The following LTA variants were observed in gnomAD, a reference collection of about 807,000 sequenced individuals.
The protein encoded by LTA is lymphotoxin-alpha.
LTA carries 6 observed loss-of-function variants against 15.1 expected under a neutral mutation model. The ratio of observed to expected loss-of-function variants is 0.40; its 90% confidence interval spans 0.22 to 0.78. The LOEUF is 0.78. LTA is among the 30% of genes least tolerant of loss of function. The probability of loss-of-function intolerance (pLI) is 0.38; values close to 1 mark genes in which losing one functional copy is unlikely to be tolerated. For missense variants in LTA, 173 were observed against 249.5 expected (o/e 0.69, Z 2.06); for synonymous variants, 87 against 107.3 (o/e 0.81, Z 1.17).
At chr6:31,564,302 C>T in the LTA span, among the ~76,000 whole-genome samples, 6 of 152,044 alleles carry the variant, frequency 3.9e-5, no homozygotes, top group African/African-American at 9.7e-5. Context: ...TCCTCTGAGA[C>T]GAAGTCTCGC....
chr6:31,571,562 T>G (rs746639724), upstream of LTA, among the ~76,000 whole-genome samples: 10 of 152,178 alleles, frequency 6.6e-5, no homozygotes, highest in Non-Finnish European at 1.5e-4. Context: ...AAATCTGTTC[T>G]GTGGAAGCCA....
Position 31,572,927 on chromosome 6 carries a change from G to A in LTA, c.100-1G>A, listed in dbSNP as rs1770929236. On this transcript the variant is annotated splice_acceptor_variant, in intron 2 of 3. Transcript: ENST00000418386. LOFTEE classifies it high-confidence loss of function. ...CCCCCCTCAACTCTGTTCTCCCCTA[G>A]GGGCTCCCTGGTGTTGGCCTCACAC... 1 of 1,612,168 alleles carries A rather than the reference G, an allele frequency of 6.2e-7. No homozygotes were observed. Among genetic ancestry groups the A allele is most frequent in the Non-Finnish European group, 8.5e-7 (1 of 1,179,656 alleles).
Position 31,574,142 on chromosome 6 carries a change from G to T in LTA, c.*449G>T. The T allele has an allele frequency of 3.0e-6, 1 of 329,132 alleles. No individual in the cohort carries two copies. Among genetic ancestry groups the T allele is most frequent in the South Asian group, 2.5e-5 (1 of 40,466 alleles). 20.4% of individuals were successfully genotyped at this position (329,132 alleles called of 1,614,324 possible). A position where few individuals can be genotyped will look rare whatever the true frequency, so the allele number is the denominator to read the frequency against. ...AACATCCAAGGAGAAACAGAGACAG[G>T]CCCAAGAGATGAAGAGTGAGAGGGC... On this transcript the variant is annotated 3_prime_UTR_variant, in exon 4 of 4. Coordinates refer to ENST00000418386, the MANE Select transcript of LTA (RefSeq NM_000595.4).
chr6:31,571,591 T>C (rs1401489239), upstream of LTA, among the ~76,000 whole-genome samples: 1 of 152,206 alleles, frequency 6.6e-6, no homozygotes, highest in Admixed American at 6.5e-5. Context: ...CAGGAAGAGA[T>C]GGAGGGCATC....
the LTA span, among the ~76,000 whole-genome samples, chr6:31,565,170 C>T: frequency 1.3e-5 from 2 of 152,100 alleles, no homozygotes; most frequent in Admixed American, 6.5e-5. Context: ...AAAGAGCAAC[C>T]TTCACCACAG....
At chr6:31,568,953 G>A (rs981811559), upstream of LTA, among the ~76,000 whole-genome samples, 2 of 151,572 alleles carry the variant, frequency 1.3e-5, no homozygotes, top group Admixed American at 6.6e-5. The surrounding 1 kb of genome is among the most constrained non-coding windows in gnomAD (Gnocchi z 4.1). Flanking sequence ...ATTTCTCTCT[G>A]TGTCTCACTG....
upstream of LTA, among the ~76,000 whole-genome samples, chr6:31,567,864 G>A (rs946652872): frequency 7.9e-5 from 12 of 151,804 alleles, no homozygotes; most frequent in African/African-American, 9.7e-5. Context: ...TCTGTTTGTC[G>A]TCAACACCCC....
intron 1 of LTA, 32 bp from the exon 2 acceptor site, chr6:31,572,702 C>CGG: frequency 6.2e-6 from 9 of 1,450,518 alleles, no homozygotes; most frequent in Non-Finnish European, 8.6e-6. Context: ...GCCCCGCTCA[C>CGG]TGTCTCTCTC....
the LTA span, among the ~76,000 whole-genome samples, chr6:31,566,047 G>T: frequency 1.5e-4 from 22 of 151,664 alleles, no homozygotes; most frequent in Non-Finnish European, 2.1e-4. Flanking sequence ...GCACGGTGGC[G>T]CATGCCTGTA....
chr6:31,574,193 A>G lies in LTA; in HGVS notation c.*500A>G, dbSNP rs776622241. 2.5e-5 allele frequency: 6 copies of G among 236,330 alleles called. No individual in the cohort carries two copies. Among genetic ancestry groups the G allele is most frequent in the Non-Finnish European group, 4.2e-5 (5 of 117,746 alleles). The allele number at this position is 236,330 out of a possible 1,614,324, so 14.6% of individuals were successfully genotyped here. ...ATGCGCACAAGGCTGACCAAGAGAGAAAGAAGTAGGCATGAGGGATCACAG... is the reference window on the plus strand; with the variant it reads ...ATGCGCACAAGGCTGACCAAGAGAGGAAGAAGTAGGCATGAGGGATCACAG... On this transcript the variant is annotated 3_prime_UTR_variant, in exon 4 of 4. Transcript: ENST00000418386.
In LTA at chr6:31,572,385, T is replaced by A; in HGVS notation, c.-71T>A. On this transcript the variant is annotated 5_prime_UTR_variant, in exon 1 of 4. Coordinates refer to ENST00000418386, the MANE Select transcript of LTA (RefSeq NM_000595.4). ...GCCCAGCAGTGTCCTGCCCTCTGCC[T>A]GGGCCTCGGTCCCTCCTGCACCTGC... is the stretch of plus-strand genomic sequence containing the variant. 1 of 426,518 alleles carries A rather than the reference T, an allele frequency of 2.3e-6. No individual in the cohort carries two copies. Among genetic ancestry groups the A allele is most frequent in the Non-Finnish European group, 4.2e-6 (1 of 235,624 alleles). The allele number at this position is 426,518 out of a possible 1,614,324, so 26.4% of individuals were successfully genotyped here.
rs749218506 is a variant in LTA, at chr6:31,572,820, G to T, written c.78G>T (p.Leu26=). The T allele has an allele frequency of 3.1e-6, 5 of 1,611,562 alleles. No individual in the cohort carries two copies. Among genetic ancestry groups the T allele is most frequent in the Admixed American group, 1.7e-5 (1 of 59,974 alleles). The change falls in exon 2 of 4, where the codon CTG becomes CTT. Residue 26 remains leucine, a synonymous_variant. Transcript: ENST00000418386. The stretch of plus-strand genomic sequence containing the variant: ...ACCTCCTCCTTCTGGGGCTGCTGCT[G>T]GTTCTGCTGCCTGGGGCCCAGGTGA... The part of the protein sequence containing the change: ...TLHLLLLGLL[L]VLLPGAQGLP...
At chr6:31,566,432 C>A in the LTA span, among the ~76,000 whole-genome samples, 1 of 152,020 alleles carries the variant, frequency 6.6e-6, no homozygotes, top group Non-Finnish European at 1.5e-5. Flanking sequence ...CACTTGAAGT[C>A]AGGAGTTCAA....
chr6:31,565,280 CCAAA>C, the LTA span, among the ~76,000 whole-genome samples: 85 of 152,196 alleles, frequency 5.6e-4, no homozygotes, highest in South Asian at 4.8e-3. Context: ...AAGAGTTCCA[CCAAA>C]TATTGTGAAA....
chr6:31,570,995 A>G (rs1025061557), upstream of LTA, among the ~76,000 whole-genome samples: 31 of 152,200 alleles, frequency 2.0e-4, no homozygotes, highest in Admixed American at 1.4e-3. Context: ...CATCAGCTGT[A>G]CACTTAAGAG....
upstream of LTA, among the ~76,000 whole-genome samples, chr6:31,571,036 A>G (rs1480010997): frequency 6.7e-6 from 1 of 149,024 alleles, no homozygotes; most frequent in African/African-American, 2.5e-5. Flanking sequence ...TTACATATCA[A>G]TAAAAAGGAA....
At chr6:31,565,818 C>T in the LTA span, among the ~76,000 whole-genome samples, 7 of 152,126 alleles carry the variant, frequency 4.6e-5, no homozygotes, top group Admixed American at 3.3e-4. Context: ...ATTTTCTCTT[C>T]ACCATCAATG....
upstream of LTA, among the ~76,000 whole-genome samples, chr6:31,567,084 T>A (rs966688958): frequency 1.3e-5 from 2 of 151,540 alleles, no homozygotes; most frequent in African/African-American, 4.9e-5. Flanking sequence ...TCACCTGAGG[T>A]CAGGAGTTTG....
chr6:31,566,011 C>T, the LTA span, among the ~76,000 whole-genome samples: 1 of 151,974 alleles, frequency 6.6e-6, no homozygotes. Context: ...AACCCTATCT[C>T]TACTAAAAAT....
Sources: allele counts gnomAD v4.1 joint callset (sites outside exome capture counted in the v4.1 genomes callset), GRCh38; gene constraint gnomAD v4.1.1; non-coding constraint Gnocchi (gnomAD v3.1); transcripts MANE v1.5; gene names NCBI Gene and HGNC (gene_info 2026-07-23, HGNC 2026-07-21).